AKT3: variants seen among roughly 807,000 people sequenced by gnomAD.
AKT3 encodes AKT serine/threonine kinase 3.
AKT3 carries 15 observed loss-of-function variants against 65.3 expected under a neutral mutation model. That is an observed-to-expected ratio of 0.23 (90% CI 0.15 to 0.35). AKT3 has a LOEUF of 0.35. AKT3 is among the 10% of genes least tolerant of loss of function. The pLI, the probability that AKT3 is intolerant of heterozygous loss-of-function variation, is 1.00. For missense variants in AKT3, 243 were observed against 576.5 expected (o/e 0.42, Z 5.92); for synonymous variants, 206 against 183.8 (o/e 1.12, Z -0.98).
At chr1:243,711,361 T>A (rs566702579) in intron 2 of AKT3, among the ~76,000 whole-genome samples, 1 of 152,090 alleles carries the variant, frequency 6.6e-6, no homozygotes, top group Admixed American at 6.6e-5. Flanking sequence ...AAATTTGAAA[T>A]CATCATCACT....
intron 2 of AKT3, among the ~76,000 whole-genome samples, chr1:243,810,485 G>A (rs951086268): frequency 6.6e-6 from 1 of 152,148 alleles, no homozygotes; most frequent in Non-Finnish European, 1.5e-5. Context: ...GGAAGAAGTT[G>A]AATCTCTGAA....
chr1:243,610,529 C>T (rs1451092246), intron 8 of AKT3, among the ~76,000 whole-genome samples: 1 of 152,180 alleles, frequency 6.6e-6, no homozygotes, highest in East Asian at 1.9e-4. Flanking sequence ...TTTTTGTCTG[C>T]GGACTGTTTT....
At chr1:243,772,313 A>C (rs1255907620) in intron 2 of AKT3, among the ~76,000 whole-genome samples, 2 of 152,196 alleles carry the variant, frequency 1.3e-5, no homozygotes, top group Non-Finnish European at 2.9e-5. Flanking sequence ...TAATATCCAG[A>C]ATCTACAAAG....
chr1:243,713,560 C>T (rs190749467), intron 2 of AKT3, among the ~76,000 whole-genome samples: 36 of 151,894 alleles, frequency 2.4e-4, no homozygotes, highest in Admixed American at 1.7e-3. Context: ...TCTTGAACAC[C>T]CTGCTGGAGC....
chr1:243,775,538 C>G (rs1434633647), intron 2 of AKT3, among the ~76,000 whole-genome samples: 1 of 152,164 alleles, frequency 6.6e-6, no homozygotes, highest in Non-Finnish European at 1.5e-5. Flanking sequence ...TCCTGTGTCT[C>G]CTCCCCACCT....
intron 11 of AKT3, among the ~76,000 whole-genome samples, chr1:243,550,958 CAAAAAAAAAAA>C (rs60047036): frequency 5.7e-4 from 10 of 17,544 alleles, no homozygotes; most frequent in South Asian, 3.5e-3. Flanking sequence ...GACTCCCTCT[CAAAAAAAAAAA>C]AAAAAAAAAA....
intron 2 of AKT3, among the ~76,000 whole-genome samples, chr1:243,715,913 T>G (rs1413995833): frequency 9.2e-5 from 14 of 152,196 alleles, no homozygotes. Context: ...ATATAAGATC[T>G]GAAAATTTAA....
At chr1:243,693,136 C>T (rs1373461055) in intron 3 of AKT3, among the ~76,000 whole-genome samples, 4 of 149,230 alleles carry the variant, frequency 2.7e-5, no homozygotes, top group Non-Finnish European at 5.9e-5. Context: ...AATAAAAAGC[C>T]TATTTTGGTA....
intron 2 of AKT3, among the ~76,000 whole-genome samples, chr1:243,776,256 TTA>T (rs1355052526): frequency 6.6e-6 from 1 of 152,204 alleles, no homozygotes; most frequent in African/African-American, 2.4e-5. Flanking sequence ...AAGACATTTT[TTA>T]TGTTAGAGGC....
intron 2 of AKT3, among the ~76,000 whole-genome samples, chr1:243,821,776 T>A (rs1468889501): frequency 6.6e-6 from 1 of 152,204 alleles, no homozygotes; most frequent in Non-Finnish European, 1.5e-5. Flanking sequence ...TCAAGATTCA[T>A]AAAACAAGTT....
At chr1:243,761,718 A>C (rs1689500988) in intron 2 of AKT3, among the ~76,000 whole-genome samples, 1 of 152,196 alleles carries the variant, frequency 6.6e-6, no homozygotes, top group Non-Finnish European at 1.5e-5. Context: ...AGCAAAGCCC[A>C]TAGCACCACG....
At chr1:243,714,481 C>T (rs1020200287) in intron 2 of AKT3, among the ~76,000 whole-genome samples, 2 of 152,060 alleles carry the variant, frequency 1.3e-5, no homozygotes, top group African/African-American at 4.8e-5. Flanking sequence ...TGATATGTCA[C>T]CATAAGAATA....
At chr1:243,731,041 G>A (rs1252431304) in intron 2 of AKT3, among the ~76,000 whole-genome samples, 1 of 152,194 alleles carries the variant, frequency 6.6e-6, no homozygotes, top group African/African-American at 2.4e-5. Flanking sequence ...TGAGTGGGTG[G>A]AACGAGCACA....
intron 2 of AKT3, among the ~76,000 whole-genome samples, chr1:243,837,462 CACTGTATCAAA>C (rs950897591): frequency 3.2e-4 from 49 of 152,200 alleles, no homozygotes; most frequent in Middle Eastern, 6.8e-3. Flanking sequence ...CCAGCATAAC[CACTGTATCAAA>C]ACTGAAAAGA....
In AKT3 at chr1:243,573,016, G is replaced by A. The variant is rs1340146435; in HGVS notation, c.729C>T (p.Phe243=). 6.8e-6 allele frequency: 11 copies of A among 1,613,068 alleles called. No individual in the cohort carries two copies. The highest frequency in any genetic ancestry group is 9.3e-6 in the Non-Finnish European group (11 of 1,179,670). The part of the protein sequence containing the change: ...LFFHLSRERV[F]SEDRTRFYGA... Reference sequence around the variant, plus strand: ...CATAGAAACGTGTGCGGTCCTCAGAGAACACCCGCTCTCTCGACAAATGGA... The same window carrying A: ...CATAGAAACGTGTGCGGTCCTCAGAAAACACCCGCTCTCTCGACAAATGGA... Residue 243 remains phenylalanine, a synonymous_variant, in exon 9 of 14, where the codon TTC becomes TTT. Coordinates refer to ENST00000673466, the MANE Select transcript of AKT3 (RefSeq NM_005465.7).
At chr1:243,678,660 T>C (rs568060753) in intron 3 of AKT3, among the ~76,000 whole-genome samples, 2 of 152,354 alleles carry the variant, frequency 1.3e-5, no homozygotes, top group South Asian at 4.1e-4. Context: ...AAAAGGAAGC[T>C]ATTTAATGTC....
chr1:243,581,524 G>A (rs918538223), intron 8 of AKT3, among the ~76,000 whole-genome samples: 2 of 152,076 alleles, frequency 1.3e-5, no homozygotes, highest in Non-Finnish European at 2.9e-5. Flanking sequence ...ATTCTGAAGG[G>A]AGGGGAAGAA....
chr1:243,549,589 A>G (rs1199317778), intron 11 of AKT3, among the ~76,000 whole-genome samples: 2 of 151,806 alleles, frequency 1.3e-5, no homozygotes, highest in African/African-American at 4.8e-5. Flanking sequence ...CACCATACCC[A>G]GCATTTTATT....
At chr1:243,535,752 C>T (rs1469687736) in intron 12 of AKT3, among the ~76,000 whole-genome samples, 1 of 152,076 alleles carries the variant, frequency 6.6e-6, no homozygotes, top group Non-Finnish European at 1.5e-5. Context: ...AGTGGAATTC[C>T]TGGATCGAAT....
Sources: allele counts gnomAD v4.1 joint callset (sites outside exome capture counted in the v4.1 genomes callset), GRCh38; gene constraint gnomAD v4.1.1; transcripts MANE v1.5; gene names NCBI Gene and HGNC (gene_info 2026-07-23, HGNC 2026-07-21).